IP6K1: variants seen among roughly 807,000 people sequenced by gnomAD.
IP6K1 encodes the protein ATP:1D-myo-inositol-hexakisphosphate phosphotransferase.
A neutral mutation model predicts 38.3 loss-of-function variants in IP6K1; 13 were observed. The observed-to-expected ratio is 0.34, with a 90% CI of 0.22 to 0.54. IP6K1 has a LOEUF of 0.54. Among genes scored for constraint, IP6K1 ranks in the 20% least tolerant of loss-of-function variants. IP6K1 has a pLI of 0.92. For synonymous variants in IP6K1, 212 were observed against 229.9 expected, an observed-to-expected ratio of 0.92 and a Z score of 0.70; for missense variants, 397 against 599.8, an observed-to-expected ratio of 0.66 and a Z score of 3.53.
At chr3:49,733,992 T>C (rs1029842516) in intron 3 of IP6K1, among the ~76,000 whole-genome samples, 1 of 152,060 alleles carries the variant, frequency 6.6e-6, no homozygotes, top group African/African-American at 2.4e-5. Context: ...TAGCTGGGCA[T>C]GGTGGCATGT....
intron 1 of IP6K1, among the ~76,000 whole-genome samples, chr3:49,770,928 T>C (rs934437814): frequency 2.0e-5 from 3 of 151,814 alleles, no homozygotes; most frequent in Non-Finnish European, 4.4e-5. Context: ...TGGGCAAATA[T>C]GCTGAGACCT....
At chr3:49,757,560 C>CAA (rs763043315) in intron 1 of IP6K1, among the ~76,000 whole-genome samples, 1 of 147,758 alleles carries the variant, frequency 6.8e-6, no homozygotes, top group Non-Finnish European at 1.5e-5. Context: ...ACTGTCTCTA[C>CAA]AAAAAAAAAA....
chr3:49,754,758 T>C (rs766337463), intron 1 of IP6K1, among the ~76,000 whole-genome samples: 92 of 152,176 alleles, frequency 6.0e-4, no homozygotes, highest in Non-Finnish European at 1.1e-3. Flanking sequence ...TCTACAGCAA[T>C]TGCAAGACAA....
intron 1 of IP6K1, among the ~76,000 whole-genome samples, chr3:49,778,945 C>T (rs941340579): frequency 1.1e-4 from 17 of 152,052 alleles, no homozygotes; most frequent in African/African-American, 4.1e-4. Flanking sequence ...TAATTAACAG[C>T]TTTATTGATA....
intron 1 of IP6K1, among the ~76,000 whole-genome samples, chr3:49,760,096 T>C (rs2080855737): frequency 6.6e-6 from 1 of 152,122 alleles, no homozygotes; most frequent in Non-Finnish European, 1.5e-5. Context: ...AGGTCTCACT[T>C]TATTGCCCAC....
rs1559700722 is a variant in IP6K1, at chr3:49,728,166, C to T, written c.729G>A (p.Arg243=). 1 of 1,614,024 alleles carries T rather than the reference C, an allele frequency of 6.2e-7. No individual in the cohort carries two copies. The highest frequency in any genetic ancestry group is 1.3e-5 in the African/African-American group (1 of 74,934). The change falls in exon 5 of 6, where the codon CGG becomes CGA. Residue 243 remains arginine (R), a synonymous_variant. Coordinates refer to ENST00000321599, the MANE Select transcript of IP6K1 (RefSeq NM_153273.4). ...TGCTCTGCTCGCATTTCCGCATCTG[C>T]CGGGCTGCCTTCTCAGCTGACGCGT... ...GDDASAEKAA[R]QMRKCEQSTS...
At position 49,726,991 on chromosome 3, in the gene IP6K1, AT is replaced by A; in HGVS notation, c.*130del. On this transcript the variant is annotated 3_prime_UTR_variant, in exon 6 of 6. Transcript: ENST00000321599. ...TGGATTCCAGGCTACAGCTAAAAAC[AT>A]TTCTTTTAGTTTACACCAAAGAGAA... The A allele has an allele frequency of 1.0e-6, 1 of 969,288 alleles. No individual in the cohort carries two copies. Among genetic ancestry groups the A allele is most frequent in the South Asian group, 1.6e-5 (1 of 60,728 alleles). The allele number at this position is 969,288 out of a possible 1,614,324, so 60.0% of individuals were successfully genotyped here. A position where few individuals can be genotyped will look rare whatever the true frequency, so the allele number is the denominator to read the frequency against.
At chr3:49,742,846 G>A (rs766860399) in intron 2 of IP6K1, among the ~76,000 whole-genome samples, 4 of 151,868 alleles carry the variant, frequency 2.6e-5, no homozygotes, top group Non-Finnish European at 4.4e-5. Context: ...AGTTGAGATC[G>A]TGCCACTGCA....
chr3:49,762,708 A>T (rs2080877330), intron 1 of IP6K1, among the ~76,000 whole-genome samples: 1 of 151,840 alleles, frequency 6.6e-6, no homozygotes, highest in African/African-American at 2.4e-5. Flanking sequence ...ATCTTACATA[A>T]TTTTTTTTCA....
At chr3:49,780,198 A>C (rs2081052465) in intron 1 of IP6K1, among the ~76,000 whole-genome samples, 1 of 152,066 alleles carries the variant, frequency 6.6e-6, no homozygotes, top group Non-Finnish European at 1.5e-5. Flanking sequence ...TCCCTAACAG[A>C]GATCCAGCAC....
At chr3:49,741,921 C>T (rs977781159) in intron 2 of IP6K1, among the ~76,000 whole-genome samples, 1 of 152,112 alleles carries the variant, frequency 6.6e-6, no homozygotes, top group African/African-American at 2.4e-5. Flanking sequence ...AGCACTGGTT[C>T]AGTATTTCCT....
chr3:49,731,905 A>C (rs1157984905), intron 4 of IP6K1, among the ~76,000 whole-genome samples: 2 of 142,460 alleles, frequency 1.4e-5, no homozygotes, highest in African/African-American at 5.0e-5. Context: ...AAAAAAAAAA[A>C]GGAATTCCTA....
chr3:49,766,315 GC>G (rs1559713024), intron 1 of IP6K1, among the ~76,000 whole-genome samples: 2 of 152,014 alleles, frequency 1.3e-5, no homozygotes, highest in Non-Finnish European at 2.9e-5. Context: ...TCTGCAGTGA[GC>G]CAAGATCGCG....
chr3:49,755,156 C>T (rs1352184182), intron 1 of IP6K1, among the ~76,000 whole-genome samples: 2 of 139,826 alleles, frequency 1.4e-5, no homozygotes, highest in African/African-American at 5.4e-5. Context: ...AGGCTGGTCT[C>T]GAACTCCCGA....
intron 1 of IP6K1, among the ~76,000 whole-genome samples, chr3:49,750,383 G>T (rs868007697): frequency 3.3e-5 from 5 of 152,154 alleles, no homozygotes; most frequent in South Asian, 2.1e-4. Flanking sequence ...TGACCCAGAA[G>T]AATGGTGCAG....
rs1181123684 is a variant in IP6K1 at position 49,726,444 on chromosome 3, GCT to G, written c.*676_*677del. 6.6e-6 allele frequency: 1 copy of G among 152,502 alleles called. No homozygotes were observed. Among genetic ancestry groups the G allele is most frequent in the Non-Finnish European group, 1.5e-5 (1 of 68,076 alleles). 9.4% of individuals were successfully genotyped at this position (152,502 alleles called of 1,614,324 possible). On this transcript the variant is annotated 3_prime_UTR_variant, in exon 6 of 6. Transcript: ENST00000321599. ...TAGGCAAGGGAACTTGGTGAGAGAG[GCT>G]GTTTCAGGAATAGGACAGGTGCCAA...
chr3:49,743,942 G>A (rs778359838), intron 2 of IP6K1, among the ~76,000 whole-genome samples: 29 of 152,012 alleles, frequency 1.9e-4, no homozygotes, highest in Non-Finnish European at 3.5e-4. Context: ...CGAGGCTGCA[G>A]TGAGGTATGA....
At chr3:49,762,824 G>A (rs2080878621) in intron 1 of IP6K1, among the ~76,000 whole-genome samples, 1 of 151,634 alleles carries the variant, frequency 6.6e-6, no homozygotes, top group Non-Finnish European at 1.5e-5. Context: ...CCAGGCTGGA[G>A]TGCATGGCAC....
chr3:49,729,022 C>T (rs1158262619), intron 4 of IP6K1, among the ~76,000 whole-genome samples: 2 of 150,790 alleles, frequency 1.3e-5, no homozygotes, highest in East Asian at 1.9e-4. Flanking sequence ...GGCGCCATCT[C>T]GGCTCACTGC....
Sources: gnomAD v4.1 joint callset for allele counts (sites outside exome capture counted in the v4.1 genomes callset) on GRCh38, gnomAD v4.1.1 for gene constraint, MANE v1.5 for transcripts, NCBI Gene and HGNC (gene_info 2026-07-23, HGNC 2026-07-21) for gene names.